The following CHM variants were observed in gnomAD, a reference collection of about 807,000 sequenced individuals.
CHM encodes the protein rab proteins geranylgeranyltransferase component A 1.
A neutral mutation model predicts 49.0 loss-of-function variants in CHM; 10 were observed. The observed-to-expected ratio is 0.20, with a 90% CI of 0.13 to 0.35. The LOEUF (loss-of-function observed/expected upper bound fraction) is 0.35, where lower values mean the gene tolerates loss of function less well. CHM is among the 10% of genes least tolerant of loss of function. CHM has a pLI of 1.00. For missense variants in CHM, 455 were observed against 478.4 expected (o/e 0.95, Z 0.46); for synonymous variants, 184 against 167.5 (o/e 1.10, Z -0.76).
At chrX:86,046,594 A>G (rs1313842669) in intron 1 of CHM, among the ~76,000 whole-genome samples, 1 of 111,744 alleles carries the variant, frequency 8.9e-6, no homozygotes, top group Non-Finnish European at 1.9e-5. Flanking sequence ...CACATTCTAC[A>G]AACAGTAAAA....
rs746652110 is a variant in CHM at position 86,023,427 on chromosome X, C to T, written c.116+4064G>A. ...CCAACCCCTACTAGTACATCTCATC[C>T]GATGAAATCCTACCTGTCCTTAGAA... On this transcript the variant is annotated intron_variant, in intron 2 of 14. Transcript: ENST00000357749. 1.6e-4 allele frequency among the ~76,000 whole-genome samples: 18 copies of T among 111,094 alleles called. No individual in the cohort carries two copies. In the South Asian group the frequency reaches 5.0e-3, roughly 31 times the overall value.
At chrX:85,948,272 C>T (rs1051744397) in intron 8 of CHM, among the ~76,000 whole-genome samples, 2 of 111,706 alleles carry the variant, frequency 1.8e-5, no homozygotes, top group African/African-American at 3.2e-5. Flanking sequence ...ATATTGTGAG[C>T]GTTTTAAAGT....
intron 1 of CHM, among the ~76,000 whole-genome samples, chrX:86,036,629 C>A (rs1869148114): frequency 8.9e-6 from 1 of 111,907 alleles, no homozygotes; most frequent in Admixed American, 9.4e-5. Context: ...AGAGACTTTG[C>A]AGGGCAATTT....
At chrX:86,016,534 G>A (rs113000633) in intron 2 of CHM, among the ~76,000 whole-genome samples, 8,268 of 112,544 alleles carry the variant, frequency 0.073, 474 homozygotes, top group African/African-American at 0.2. Context: ...TGGCTTCAGA[G>A]GGTGCAAGCC....
intron 4 of CHM, among the ~76,000 whole-genome samples, chrX:85,965,126 G>A (rs12690384): frequency 0.35 from 38,590 of 111,110 alleles, 5,132 homozygotes; most frequent in Admixed American, 0.42. Flanking sequence ...CTCTAACTCC[G>A]AATTTATCAA....
At chrX:85,962,577 AG>A (rs1431525588) in intron 5 of CHM, among the ~76,000 whole-genome samples, 1 of 112,163 alleles carries the variant, frequency 8.9e-6, no homozygotes, top group Non-Finnish European at 1.9e-5. Flanking sequence ...TGGAACTTGA[AG>A]AAAGTACATT....
intron 8 of CHM, among the ~76,000 whole-genome samples, chrX:85,939,012 G>A (rs933441671): frequency 8.9e-6 from 1 of 111,932 alleles, no homozygotes; most frequent in African/African-American, 3.2e-5. Context: ...CTATGCTTAC[G>A]TATGTTTAGA....
chrX:86,040,990 C>T (rs1934435323), intron 1 of CHM, among the ~76,000 whole-genome samples: 1 of 111,959 alleles, frequency 8.9e-6, no homozygotes, highest in Admixed American at 9.5e-5. Flanking sequence ...TGCACTGAGA[C>T]TGAATAGCAG....
intron 12 of CHM, among the ~76,000 whole-genome samples, chrX:85,888,942 G>GC (rs1925267619): frequency 9.0e-6 from 1 of 111,534 alleles, no homozygotes; most frequent in Non-Finnish European, 1.9e-5. Flanking sequence ...AAACAATATT[G>GC]CATTTTATGA....
chrX:85,968,192 G>A (rs1168036358), intron 4 of CHM, among the ~76,000 whole-genome samples: 5 of 111,920 alleles, frequency 4.5e-5, no homozygotes, highest in Non-Finnish European at 9.4e-5. Flanking sequence ...ACAAAAATCA[G>A]ACTATTCAGA....
chrX:86,044,742 C>T lies in CHM; in HGVS notation c.49+2742G>A, dbSNP rs934166959. Among the ~76,000 whole-genome samples, 3 of 111,670 alleles carry T rather than the reference C, an allele frequency of 2.7e-5. No individual in the cohort carries two copies. In the East Asian group the frequency reaches 8.4e-4, roughly 31 times the overall value. ...ACAATTCTGTACCCAAGCTGAAGAG[C>T]ACCTTCTAGACCCTTACCACATATA... is the stretch of plus-strand genomic sequence containing the variant. On this transcript the variant is annotated intron_variant, in intron 1 of 14. Coordinates refer to ENST00000357749, the MANE Select transcript of CHM (RefSeq NM_000390.4).
chrX:85,907,558 A>T (rs1019982941), intron 9 of CHM, among the ~76,000 whole-genome samples: 4 of 112,547 alleles, frequency 3.6e-5, no homozygotes, highest in Non-Finnish European at 5.6e-5. Flanking sequence ...CCTCTCAAAT[A>T]AGAAAGCAGA....
chrX:85,997,524 G>A lies in CHM; in HGVS notation c.117-15715C>T, dbSNP rs370977697. Among the ~76,000 whole-genome samples the A allele has an allele frequency of 4.5e-5, 5 of 111,283 alleles. No individual in the cohort carries two copies. In the East Asian group the frequency reaches 1.1e-3, roughly 25 times the overall value. ...GCCAACAATGACATGTAGGAAAACG[G>A]ATGCCAATACAATGTCAAGTCAATG... On this transcript the variant is annotated intron_variant, in intron 2 of 14. Coordinates refer to ENST00000357749, the MANE Select transcript of CHM (RefSeq NM_000390.4).
intron 2 of CHM, among the ~76,000 whole-genome samples, chrX:86,012,817 GCAGA>G (rs1202954529): frequency 2.7e-5 from 3 of 110,611 alleles, no homozygotes; most frequent in Non-Finnish European, 5.7e-5. Flanking sequence ...AAAGGCCTAG[GCAGA>G]CAGTGGCAGG....
At chrX:86,014,841 A>G (rs960556842) in intron 2 of CHM, among the ~76,000 whole-genome samples, 2 of 111,449 alleles carry the variant, frequency 1.8e-5, no homozygotes, top group Non-Finnish European at 3.8e-5. Flanking sequence ...CAGAATGAAG[A>G]GCAAGCAAAG....
chrX:86,011,966 G>GT (rs1467981765), intron 2 of CHM, among the ~76,000 whole-genome samples: 1 of 112,003 alleles, frequency 8.9e-6, no homozygotes, highest in Non-Finnish European at 1.9e-5. Flanking sequence ...CTTCGTCCCC[G>GT]TAAGACTCAT....
intron 9 of CHM, among the ~76,000 whole-genome samples, chrX:85,902,462 T>C: frequency 9.0e-6 from 1 of 111,690 alleles, no homozygotes; most frequent in East Asian, 2.8e-4. Flanking sequence ...ATGTTACATG[T>C]ACATAATAGA....
intron 11 of CHM, among the ~76,000 whole-genome samples, chrX:85,895,144 T>G (rs775101709): frequency 2.8e-4 from 28 of 100,180 alleles, no homozygotes; most frequent in East Asian, 2.1e-3. Context: ...TTGTTTTTTT[T>G]TTTTTTTTTG....
chrX:85,866,072 T>C (rs1923669438), intron 14 of CHM, among the ~76,000 whole-genome samples: 1 of 112,790 alleles, frequency 8.9e-6, no homozygotes, highest in African/African-American at 3.2e-5. Context: ...TCAAGCTGGC[T>C]ATAGCAATTT....
Sources: gnomAD v4.1 joint callset for allele counts (sites outside exome capture counted in the v4.1 genomes callset) on GRCh38, gnomAD v4.1.1 for gene constraint, MANE v1.5 for transcripts, NCBI Gene and HGNC (gene_info 2026-07-23, HGNC 2026-07-21) for gene names.